Variants in SGCG observed in about 807,000 individuals in gnomAD.
The protein encoded by SGCG is gamma-sarcoglycan.
A neutral mutation model predicts 29.3 loss-of-function variants in SGCG; 26 were observed. The observed-to-expected ratio is 0.89, with a 90% CI of 0.65 to 1.23. The LOEUF is 1.23. SGCG is among the 50% of genes most tolerant of loss of function. The pLI is 0.00. For missense variants in SGCG, 353 were observed against 356.0 expected (o/e 0.99, Z 0.07); for synonymous variants, 145 against 129.7 (o/e 1.12, Z -0.80).
rs1297407998 is a variant in SGCG at position 23,324,886 on chromosome 13, A to T, written c.*345A>T. On this transcript the variant is annotated 3_prime_UTR_variant, in exon 8 of 8. Coordinates refer to ENST00000218867, the MANE Select transcript of SGCG (RefSeq NM_000231.3). ...TTGAGTTGCCGTGTGGAGTTAATGTATGACGCTCCACTGTGGATATCTAAT... is the reference window on the plus strand; with the variant it reads ...TTGAGTTGCCGTGTGGAGTTAATGTTTGACGCTCCACTGTGGATATCTAAT... The T allele has an allele frequency of 1.9e-5, 7 of 366,552 alleles. No individual in the cohort carries two copies. The highest frequency in any genetic ancestry group is 3.2e-5 in the Non-Finnish European group (6 of 188,068). The allele number at this position is 366,552 out of a possible 1,614,324, so 22.7% of individuals were successfully genotyped here. A position where few individuals can be genotyped will look rare whatever the true frequency, so the allele number is the denominator to read the frequency against.
At chr13:23,166,097 G>A in the SGCG span, among the ~76,000 whole-genome samples, 270 of 152,140 alleles carry the variant, frequency 1.8e-3, 1 homozygote, top group Non-Finnish European at 2.5e-3. Context: ...CGGTGAGAGG[G>A]AACTTCCTTG....
chr13:23,175,434 A>C, the SGCG span, among the ~76,000 whole-genome samples: 2 of 152,206 alleles, frequency 1.3e-5, no homozygotes, highest in Admixed American at 1.3e-4. Flanking sequence ...TGATATGCAC[A>C]CATCACACTT....
intron 4 of SGCG, among the ~76,000 whole-genome samples, chr13:23,271,719 G>A (rs1195480861): frequency 1.3e-5 from 2 of 151,928 alleles, no homozygotes. Flanking sequence ...ATAGTTTATT[G>A]GCATTATTAC....
At chr13:23,299,212 C>T (rs1432301428) in intron 6 of SGCG, among the ~76,000 whole-genome samples, 1 of 151,638 alleles carries the variant, frequency 6.6e-6, no homozygotes, top group Non-Finnish European at 1.5e-5. Context: ...TTGCTGTCTC[C>T]ACCACCCAGC....
chr13:23,274,322 G>C (rs1880978704), intron 4 of SGCG, among the ~76,000 whole-genome samples: 1 of 147,922 alleles, frequency 6.8e-6, no homozygotes, highest in Non-Finnish European at 1.5e-5. Context: ...CCTGGCACTT[G>C]TTAATTTTTC....
chr13:23,200,866 G>T (rs1010181853), intron 1 of SGCG, among the ~76,000 whole-genome samples: 3 of 152,160 alleles, frequency 2.0e-5, no homozygotes, highest in Non-Finnish European at 4.4e-5. Context: ...ACACTTGGGG[G>T]ACTCCTGGCC....
At chr13:23,298,092 A>G (rs758420851) in intron 6 of SGCG, among the ~76,000 whole-genome samples, 6 of 132,654 alleles carry the variant, frequency 4.5e-5, no homozygotes, top group Non-Finnish European at 8.8e-5. Flanking sequence ...ATGGTGGCTC[A>G]CACCTGTAAT....
chr13:23,184,980 G>A (rs1483948463), intron 1 of SGCG, among the ~76,000 whole-genome samples: 2 of 152,146 alleles, frequency 1.3e-5, no homozygotes, highest in African/African-American at 2.4e-5. Context: ...TATTATCCTT[G>A]GCTACAGAGA....
chr13:23,295,713 C>T (rs1046421721), intron 6 of SGCG, among the ~76,000 whole-genome samples: 13 of 152,144 alleles, frequency 8.5e-5, no homozygotes, highest in African/African-American at 2.4e-4. Context: ...CTCCTCCTTC[C>T]TCCTCCTTCT....
intron 6 of SGCG, among the ~76,000 whole-genome samples, chr13:23,319,919 A>G (rs1882970522): frequency 6.6e-6 from 1 of 152,206 alleles, no homozygotes. Flanking sequence ...TGGCTTAACC[A>G]CAAGGAAAGT....
chr13:23,205,278 G>T (rs1342440532), intron 2 of SGCG, among the ~76,000 whole-genome samples: 1 of 152,290 alleles, frequency 6.6e-6, no homozygotes, highest in East Asian at 1.9e-4. Context: ...ATACATTTTA[G>T]TATCTAAATG....
At chr13:23,172,929 T>C in the SGCG span, among the ~76,000 whole-genome samples, 1 of 152,224 alleles carries the variant, frequency 6.6e-6, no homozygotes, top group Non-Finnish European at 1.5e-5. Flanking sequence ...TACTACGTAG[T>C]AGATTCTCAA....
chr13:23,229,609 C>T (rs1248540798), intron 2 of SGCG, among the ~76,000 whole-genome samples: 2 of 152,116 alleles, frequency 1.3e-5, no homozygotes, highest in East Asian at 3.9e-4. Context: ...GTGTTCATGT[C>T]CTTTCCCCAC....
chr13:23,214,256 C>T (rs1044993380), intron 2 of SGCG, among the ~76,000 whole-genome samples: 12 of 152,098 alleles, frequency 7.9e-5, no homozygotes, highest in African/African-American at 2.4e-4. Context: ...CTATAAAAAC[C>T]CCTAGTTTTA....
upstream of SGCG, among the ~76,000 whole-genome samples, chr13:23,180,522 G>A (rs546383640): frequency 2.6e-4 from 40 of 152,220 alleles, 1 homozygote; most frequent in South Asian, 6.6e-3. Flanking sequence ...GTAATATGCC[G>A]TTCATTTGGA....
At chr13:23,167,170 C>T in the SGCG span, among the ~76,000 whole-genome samples, 28 of 152,266 alleles carry the variant, frequency 1.8e-4, no homozygotes, top group Non-Finnish European at 3.8e-4. Context: ...TTGTGCCTGG[C>T]TTATTTCACT....
chr13:23,254,341 CT>C (rs901697454), intron 4 of SGCG, among the ~76,000 whole-genome samples: 18 of 152,086 alleles, frequency 1.2e-4, no homozygotes, highest in Non-Finnish European at 2.4e-4. Flanking sequence ...GTGTAATGCC[CT>C]AGGAAAGAGC....
In SGCG at chr13:23,195,347, T is replaced by C. The variant is rs575849246; in HGVS notation, c.1-8348T>C. On this transcript the variant is annotated intron_variant, in intron 1 of 7. Coordinates refer to ENST00000218867, the MANE Select transcript of SGCG (RefSeq NM_000231.3). The stretch of plus-strand genomic sequence containing the variant: ...TCTGAATTGCCTACCCGTGTAAATA[T>C]AAAACTGTGTTTTAAAATGAGCCTG... Among the ~76,000 whole-genome samples the C allele has an allele frequency of 2.0e-5, 3 of 152,324 alleles. No homozygotes were observed. The East Asian group carries it at 5.8e-4, about 29-fold the overall frequency.
chr13:23,299,694 T>C (rs9552920), intron 6 of SGCG, among the ~76,000 whole-genome samples: 149,264 of 151,190 alleles, frequency 0.99, 73,713 homozygotes, highest in Middle Eastern at 1. Context: ...CCTCGTGATC[T>C]GCCCGCCTCG....
Sources: gnomAD v4.1 joint callset for allele counts (sites outside exome capture counted in the v4.1 genomes callset) on GRCh38, gnomAD v4.1.1 for gene constraint, MANE v1.5 for transcripts, NCBI Gene and HGNC (gene_info 2026-07-23, HGNC 2026-07-21) for gene names.